TRHDE: variants seen among roughly 807,000 people sequenced by gnomAD.
TRHDE encodes the protein thyrotropin-releasing hormone-degrading ectoenzyme.
Under a neutral mutation model 125.7 loss-of-function variants are expected in TRHDE, and 72 were observed. That is an observed-to-expected ratio of 0.57 (90% CI 0.47 to 0.70). TRHDE has a LOEUF of 0.70. Among genes scored for constraint, TRHDE ranks in the 30% least tolerant of loss-of-function variants. The pLI is 0.00. For synonymous variants in TRHDE, 509 were observed against 509.1 expected, an observed-to-expected ratio of 1.00 and a Z score of 0.00; for missense variants, 1,110 against 1,327.1, an observed-to-expected ratio of 0.84 and a Z score of 2.54.
rs1373058017 is a variant in TRHDE, at chr12:72,413,085, T to C, written c.1315+34964T>C. Among the ~76,000 whole-genome samples, 4 of 152,128 alleles carry C rather than the reference T, an allele frequency of 2.6e-5. No individual in the cohort carries two copies. The East Asian group carries it at 7.7e-4, about 29-fold the overall frequency. On this transcript the variant is annotated intron_variant, in intron 3 of 18. Transcript: ENST00000261180. ...ATCATTATTTTTAAGATTACATTTGTGTTTTATATACTACTTCTATATATG... is the reference window on the plus strand; with the variant it reads ...ATCATTATTTTTAAGATTACATTTGCGTTTTATATACTACTTCTATATATG...
At chr12:72,112,950 G>C (rs1018277133) in intron 2 of TRHDE, among the ~76,000 whole-genome samples, 2 of 152,190 alleles carry the variant, frequency 1.3e-5, no homozygotes, top group East Asian at 3.9e-4. Flanking sequence ...ACACAGGCTA[G>C]CCAGTAATGT....
At chr12:72,358,242 A>G (rs1870910634) in intron 2 of TRHDE, among the ~76,000 whole-genome samples, 1 of 151,438 alleles carries the variant, frequency 6.6e-6, no homozygotes, top group South Asian at 2.1e-4. Context: ...CCCCTTATAC[A>G]TGAATTTTCT....
chr12:72,618,623 C>T (rs1872915922), intron 12 of TRHDE, among the ~76,000 whole-genome samples: 1 of 152,038 alleles, frequency 6.6e-6, no homozygotes, highest in Non-Finnish European at 1.5e-5. Context: ...CTCGGTTTTG[C>T]TTATGTTCCA....
rs753102898 is a variant in TRHDE at position 72,562,842 on chromosome 12, T to C, written c.1855-11T>C. 1 of 1,520,158 alleles carries C rather than the reference T, an allele frequency of 6.6e-7. No individual in the cohort carries two copies. Among genetic ancestry groups the C allele is most frequent in the Non-Finnish European group, 8.8e-7 (1 of 1,131,280 alleles). 94.2% of individuals were successfully genotyped at this position (1,520,158 alleles called of 1,614,324 possible). ...TTTATAAAACTAATTTGTACATTTTTCCTTGTGAAGGCTTTAAAAAGAAAT... is the reference window on the plus strand; with the variant it reads ...TTTATAAAACTAATTTGTACATTTTCCCTTGTGAAGGCTTTAAAAAGAAAT... On this transcript the variant is annotated splice_polypyrimidine_tract_variant and intron_variant, in intron 8 of 18. Transcript: ENST00000261180.
At chr12:72,241,075 G>C (rs1285162325) in intron 2 of TRHDE, among the ~76,000 whole-genome samples, 1 of 151,836 alleles carries the variant, frequency 6.6e-6, no homozygotes, top group African/African-American at 2.4e-5. Context: ...TTCCTAAAAG[G>C]ACTCCTATTT....
chr12:72,554,081 C>A (rs1052037646), intron 7 of TRHDE, among the ~76,000 whole-genome samples: 2 of 152,008 alleles, frequency 1.3e-5, no homozygotes, highest in Non-Finnish European at 2.9e-5. Flanking sequence ...CTCCTGACCT[C>A]AGGTGATTCA....
At chr12:72,575,993 G>A (rs905483702) in intron 12 of TRHDE, among the ~76,000 whole-genome samples, 5 of 152,176 alleles carry the variant, frequency 3.3e-5, no homozygotes, top group African/African-American at 9.6e-5. Flanking sequence ...GGGTAAGACC[G>A]TTCTTGACAA....
At position 72,311,376 on chromosome 12, in the gene TRHDE, G is replaced by A. The variant is rs562305096; in HGVS notation, c.1188+24422G>A. 1.3e-4 allele frequency among the ~76,000 whole-genome samples: 20 copies of A among 152,178 alleles called. 2 individuals carry two copies. The South Asian group carries it at 4.2e-3, about 32-fold the overall frequency. ...ATCAGTGTATGTGTCTATAATTATG[G>A]TCGTCTATGGGCAGCTGAGTAAAGA... On this transcript the variant is annotated intron_variant, in intron 2 of 18. Coordinates refer to ENST00000261180, the MANE Select transcript of TRHDE (RefSeq NM_013381.3).
chr12:72,131,271 AC>A lies in TRHDE; in HGVS notation n.279+25521del, dbSNP rs983524442. Among the ~76,000 whole-genome samples, 4 of 151,624 alleles carry A rather than the reference AC, an allele frequency of 2.6e-5. No homozygotes were observed. In the East Asian group the frequency reaches 7.8e-4, roughly 29 times the overall value. On this transcript the variant is annotated intron_variant and non_coding_transcript_variant, in intron 2 of 4. Transcript: ENST00000548156. Reference sequence around the variant, plus strand: ...GTAGTTTTAGTAGAGACGGGGTTTCACCGTGTTCTCCAGGATGGTCTCCATC... The same window carrying A: ...GTAGTTTTAGTAGAGACGGGGTTTCACGTGTTCTCCAGGATGGTCTCCATC...
At chr12:72,585,954 G>T (rs527652920) in intron 12 of TRHDE, among the ~76,000 whole-genome samples, 1 of 152,210 alleles carries the variant, frequency 6.6e-6, no homozygotes, top group East Asian at 1.9e-4. Context: ...ATTACTTATT[G>T]CTTTAAGTTG....
chr12:72,514,602 C>T (rs1045541853), intron 6 of TRHDE, among the ~76,000 whole-genome samples: 2 of 151,136 alleles, frequency 1.3e-5, no homozygotes, highest in African/African-American at 4.9e-5. Context: ...CACATGGATT[C>T]AAGCCTTAAC....
chr12:72,222,254 A>G (rs967922750), intron 2 of TRHDE, among the ~76,000 whole-genome samples: 2 of 152,048 alleles, frequency 1.3e-5, no homozygotes, highest in Non-Finnish European at 2.9e-5. Flanking sequence ...GGGTAAGAAG[A>G]GTATGTGGAA....
At chr12:72,289,101 T>G (rs1879995921) in intron 2 of TRHDE, among the ~76,000 whole-genome samples, 1 of 152,186 alleles carries the variant, frequency 6.6e-6, no homozygotes, top group Non-Finnish European at 1.5e-5. Context: ...CATATGAGAA[T>G]GACATTTCTC....
intron 2 of TRHDE, among the ~76,000 whole-genome samples, chr12:72,369,148 C>G (rs547867092): frequency 1.3e-5 from 2 of 152,060 alleles, no homozygotes; most frequent in Admixed American, 6.6e-5. Context: ...ACATTTATAG[C>G]GAGTCCATGA....
intron 2 of TRHDE, among the ~76,000 whole-genome samples, chr12:72,231,428 C>A (rs934491081): frequency 1.2e-4 from 18 of 152,066 alleles, no homozygotes; most frequent in Non-Finnish European, 2.9e-5. Context: ...GAATATTAAG[C>A]TTGATAAGAG....
At chr12:72,231,137 TAGA>T (rs1878238592) in intron 2 of TRHDE, among the ~76,000 whole-genome samples, 2 of 152,004 alleles carry the variant, frequency 1.3e-5, no homozygotes, top group African/African-American at 4.8e-5. Context: ...TTAAAAAAAT[TAGA>T]AGTACATAAA....
At chr12:72,596,841 A>G (rs1871961916) in intron 12 of TRHDE, among the ~76,000 whole-genome samples, 1 of 152,242 alleles carries the variant, frequency 6.6e-6, no homozygotes, top group African/African-American at 2.4e-5. Flanking sequence ...GAAGGAGGAA[A>G]ACATTTTAAA....
At chr12:72,640,540 C>G (rs1215358021) in intron 15 of TRHDE, among the ~76,000 whole-genome samples, 1 of 150,232 alleles carries the variant, frequency 6.7e-6, no homozygotes, top group East Asian at 2.0e-4. Context: ...TTTTTCAATC[C>G]TTTGTTTCTT....
At chr12:72,338,082 C>T (rs1258755039) in intron 2 of TRHDE, among the ~76,000 whole-genome samples, 1 of 152,180 alleles carries the variant, frequency 6.6e-6, no homozygotes, top group Non-Finnish European at 1.5e-5. Context: ...ACTTTTTGTA[C>T]AAGTGTCGCT....
Sources: gnomAD v4.1 joint callset for allele counts (sites outside exome capture counted in the v4.1 genomes callset) on GRCh38, gnomAD v4.1.1 for gene constraint, MANE v1.5 for transcripts, NCBI Gene and HGNC (gene_info 2026-07-23, HGNC 2026-07-21) for gene names.